CALHM5: variants seen among roughly 807,000 people sequenced by gnomAD.
The protein encoded by CALHM5 is calcium homeostasis modulator protein 5.
In CALHM5, 17 loss-of-function variants were observed where a neutral mutation model predicts 20.9. The ratio of observed to expected loss-of-function variants is 0.82; its 90% CI spans 0.56 to 1.22. CALHM5 has a LOEUF of 1.22. Among genes scored for constraint, CALHM5 ranks in the 50% most tolerant of loss-of-function variants. The probability of loss-of-function intolerance (pLI) is 0.00; values close to 1 mark genes in which losing one functional copy is unlikely to be tolerated. For missense variants in CALHM5, 360 were observed against 364.6 expected (o/e 0.99, Z 0.10); for synonymous variants, 148 against 140.0 (o/e 1.06, Z -0.40).
Position 116,515,915 on chromosome 6 carries a change from G to C in CALHM5, c.856G>C (p.Asp286His), listed in dbSNP as rs1230798942. Residue 286 changes from aspartate to histidine, a missense_variant, in exon 2 of 2, where the codon GAC becomes CAC. Transcript: ENST00000368599. ...CTATAGCACCCTCCACAGAGTGGTG[G>C]ACAATGGTCTGCAACTTAGCCCTGA... ...QHYSTLHRVV[D>H]NGLQLSPEDD... 2.5e-6 allele frequency: 4 copies of C among 1,613,780 alleles called. No individual in the cohort carries two copies. Among genetic ancestry groups the C allele is most frequent in the Non-Finnish European group, 1.7e-6 (2 of 1,179,812 alleles).
chr6:116,516,718 C>CAG lies in CALHM5; in HGVS notation c.*731_*732dup, dbSNP rs1772236601. The CAG allele has an allele frequency of 1.6e-5, 2 of 127,648 alleles. No homozygotes were observed. Among genetic ancestry groups the CAG allele is most frequent in the Non-Finnish European group, 3.3e-5 (2 of 59,830 alleles). The allele number at this position is 127,648 out of a possible 1,614,324, so 7.9% of individuals were successfully genotyped here. ...ATATATATATATATATACACACACA[C>CAG]AGAAATATATATTTATAACTGCATT... is the stretch of plus-strand genomic sequence containing the variant. On this transcript the variant is annotated 3_prime_UTR_variant, in exon 2 of 2. Coordinates refer to ENST00000368599, the MANE Select transcript of CALHM5 (RefSeq NM_153711.5).
Position 116,521,722 on chromosome 6 carries a change from C to G in CALHM5, c.*5733C>G, listed in dbSNP as rs1048250418. 3.9e-5 allele frequency: 6 copies of G among 152,218 alleles called. No homozygotes were observed. Among genetic ancestry groups the G allele is most frequent in the African/African-American group, 1.4e-4 (6 of 41,440 alleles). The allele number at this position is 152,218 out of a possible 1,614,324, so 9.4% of individuals were successfully genotyped here. A position where few individuals can be genotyped will look rare whatever the true frequency, so the allele number is the denominator to read the frequency against. On this transcript the variant is annotated 3_prime_UTR_variant, in exon 2 of 2. Coordinates refer to ENST00000368599, the MANE Select transcript of CALHM5 (RefSeq NM_153711.5). ...TGCTTTAATAACTATCTGGCTACCC[C>G]TTAATCCAATCAAGTTGACATCTAA...
Position 116,515,900 on chromosome 6 carries a change from C to A in CALHM5, c.841C>A (p.Leu281Ile). The A allele has an allele frequency of 3.1e-6, 5 of 1,613,926 alleles. No homozygotes were observed. The highest frequency in any genetic ancestry group is 4.2e-6 in the Non-Finnish European group (5 of 1,179,896). Reference protein sequence around the residue: ...FHQSQQHYSTLHRVVDNGLQL... With the variant: ...FHQSQQHYSTIHRVVDNGLQL... ...CCAAAGCCAGCAACACTATAGCACC[C>A]TCCACAGAGTGGTGGACAATGGTCT... Residue 281 changes from leucine (L) to isoleucine (I), a missense_variant, in exon 2 of 2, where the codon CTC (leucine) becomes ATC (isoleucine). Transcript: ENST00000368599.
rs1251898450 is a variant in CALHM5 at position 116,519,220 on chromosome 6, A to T, written c.*3231A>T. 1 of 152,212 alleles carries T rather than the reference A, an allele frequency of 6.6e-6. No homozygotes were observed. The highest frequency in any genetic ancestry group is 1.5e-5 in the Non-Finnish European group (1 of 68,040). 9.4% of individuals were successfully genotyped at this position (152,212 alleles called of 1,614,324 possible). ...GTGTATACATGATTTATTAAAAGGA[A>T]ATCCTCTTAGGAGAAACATATTAGC... On this transcript the variant is annotated 3_prime_UTR_variant, in exon 2 of 2. Coordinates refer to ENST00000368599, the MANE Select transcript of CALHM5 (RefSeq NM_153711.5).
At position 116,522,313 on chromosome 6, in the gene CALHM5, A is replaced by C. The variant is rs1475415895; in HGVS notation, c.*6324A>C. The C allele has an allele frequency of 6.6e-6, 1 of 152,224 alleles. No individual in the cohort carries two copies. The highest frequency in any genetic ancestry group is 1.5e-5 in the Non-Finnish European group (1 of 68,044). The allele number at this position is 152,224 out of a possible 1,614,324, so 9.4% of individuals were successfully genotyped here. A position where few individuals can be genotyped will look rare whatever the true frequency, so the allele number is the denominator to read the frequency against. ...CCTATCCAACTCCATGACCCCAAAA[A>C]TCATGAGCTTAAATAAATGTTTGTG... On this transcript the variant is annotated 3_prime_UTR_variant, in exon 2 of 2. Coordinates refer to ENST00000368599, the MANE Select transcript of CALHM5 (RefSeq NM_153711.5).
intron 1 of CALHM5, 166 bp downstream of exon 1, chr6:116,512,402 G>T (rs748738728): frequency 7.5e-5 from 57 of 760,874 alleles, no homozygotes; most frequent in African/African-American, 6.3e-4. Flanking sequence ...CTTTTGAAAG[G>T]CTGGGTGGCT....
chr6:116,523,282 G>A lies in CALHM5; in HGVS notation c.*7293G>A, dbSNP rs1772378544. On this transcript the variant is annotated 3_prime_UTR_variant, in exon 2 of 2. Coordinates refer to ENST00000368599, the MANE Select transcript of CALHM5 (RefSeq NM_153711.5). ...TTCTATTCATTCAAGGATATATTTT[G>A]TCCTTTAGGAATATTTTAAAGTTTA... The A allele has an allele frequency of 6.6e-6, 1 of 152,074 alleles. No homozygotes were observed. Among genetic ancestry groups the A allele is most frequent in the Non-Finnish European group, 1.5e-5 (1 of 68,012 alleles). 9.4% of individuals were successfully genotyped at this position (152,074 alleles called of 1,614,324 possible).
rs543376302 is a variant in CALHM5 at position 116,521,990 on chromosome 6, G to A, written c.*6001G>A. 6.6e-6 allele frequency: 1 copy of A among 152,132 alleles called. No individual in the cohort carries two copies. Among genetic ancestry groups the A allele is most frequent in the South Asian group, 2.1e-4 (1 of 4,822 alleles). 9.4% of individuals were successfully genotyped at this position (152,132 alleles called of 1,614,324 possible). On this transcript the variant is annotated 3_prime_UTR_variant, in exon 2 of 2. Coordinates refer to ENST00000368599, the MANE Select transcript of CALHM5 (RefSeq NM_153711.5). ...CTCAGGGACTACCAAGCTCTGAAGA[G>A]GCCCAAGCTAGCCAGTGGGAGGAGA...
At position 116,524,621 on chromosome 6, in the gene CALHM5, G is replaced by C. The variant is rs1011217633; in HGVS notation, c.*8632G>C. Reference sequence around the variant, plus strand: ...CTATTTCTTTCTTTATTACTAACAAGATGTTTTATCCTATATTCTCATTGG... The same window carrying C: ...CTATTTCTTTCTTTATTACTAACAACATGTTTTATCCTATATTCTCATTGG... On this transcript the variant is annotated 3_prime_UTR_variant, in exon 2 of 2. Coordinates refer to ENST00000368599, the MANE Select transcript of CALHM5 (RefSeq NM_153711.5). The C allele has an allele frequency of 6.6e-6, 1 of 152,108 alleles. No individual in the cohort carries two copies. 9.4% of individuals were successfully genotyped at this position (152,108 alleles called of 1,614,324 possible).
At chr6:116,513,781 T>TA (rs1583270171) in intron 1 of CALHM5, among the ~76,000 whole-genome samples, 1 of 152,100 alleles carries the variant, frequency 6.6e-6, no homozygotes, top group African/African-American at 2.4e-5. Flanking sequence ...GTGGGGCAGA[T>TA]AAAAAATCTA....
chr6:116,511,663 A>G lies in CALHM5; in HGVS notation c.-34A>G, dbSNP rs1168031007. 3 of 1,591,646 alleles carry G rather than the reference A, an allele frequency of 1.9e-6. No homozygotes were observed. Among genetic ancestry groups the G allele is most frequent in the Non-Finnish European group, 2.6e-6 (3 of 1,167,044 alleles). On this transcript the variant is annotated 5_prime_UTR_variant, in exon 1 of 2. Coordinates refer to ENST00000368599, the MANE Select transcript of CALHM5 (RefSeq NM_153711.5). ...TGCCACAGCTGCTCTGCCAATAACA[A>G]AGGCACAGCATTTTCCCTCTGTGCA...
chr6:116,513,636 G>A (rs1315361376), intron 1 of CALHM5, among the ~76,000 whole-genome samples: 1 of 152,220 alleles, frequency 6.6e-6, no homozygotes, highest in Non-Finnish European at 1.5e-5. Flanking sequence ...AGATGCATAA[G>A]GAATGTGGGC....
rs773523537 is a variant in CALHM5 at position 116,515,713 on chromosome 6, T to C, written c.654T>C (p.Tyr218=). 8 of 1,613,864 alleles carry C rather than the reference T, an allele frequency of 5.0e-6. No individual in the cohort carries two copies. The highest frequency in any genetic ancestry group is 1.3e-5 in the African/African-American group (1 of 74,904). The change falls in exon 2 of 2, where the codon TAT becomes TAC. Residue 218 remains tyrosine, a synonymous_variant. Coordinates refer to ENST00000368599, the MANE Select transcript of CALHM5 (RefSeq NM_153711.5). ...SYLQLSFWKT[Y]AQKEKEQLEN... ...TTCAGCTGAGTTTTTGGAAGACATA[T>C]GCACAAAAGGAGAAGGAGCAGTTGG...
Position 116,524,304 on chromosome 6 carries a change from A to G in CALHM5, c.*8315A>G, listed in dbSNP as rs577047877. 1 of 152,350 alleles carries G rather than the reference A, an allele frequency of 6.6e-6. No homozygotes were observed. The highest frequency in any genetic ancestry group is 1.5e-5 in the Non-Finnish European group (1 of 68,030). The allele number at this position is 152,350 out of a possible 1,614,324, so 9.4% of individuals were successfully genotyped here. A position where few individuals can be genotyped will look rare whatever the true frequency, so the allele number is the denominator to read the frequency against. On this transcript the variant is annotated 3_prime_UTR_variant, in exon 2 of 2. Transcript: ENST00000368599. ...CATTTGTATATGTTTGAAAAATTTCATAAGGTACACAACAAAATAAATGAC... is the reference window on the plus strand; with the variant it reads ...CATTTGTATATGTTTGAAAAATTTCGTAAGGTACACAACAAAATAAATGAC...
intron 1 of CALHM5, among the ~76,000 whole-genome samples, chr6:116,514,893 A>C (rs1161590690): frequency 6.6e-6 from 1 of 152,230 alleles, no homozygotes; most frequent in Non-Finnish European, 1.5e-5. Flanking sequence ...AATTAATTTC[A>C]ATTGTGAAAA....
In CALHM5 at chr6:116,517,499, G is replaced by A. The variant is rs916666503; in HGVS notation, c.*1510G>A. ...CTGTGGCTCATACCTTACAGTGGTA[G>A]TCTATGTCTCTTAGTTTGAGAAAGC... On this transcript the variant is annotated 3_prime_UTR_variant, in exon 2 of 2. Coordinates refer to ENST00000368599, the MANE Select transcript of CALHM5 (RefSeq NM_153711.5). The A allele has an allele frequency of 6.6e-6, 1 of 152,146 alleles. No individual in the cohort carries two copies. Among genetic ancestry groups the A allele is most frequent in the African/African-American group, 2.4e-5 (1 of 41,418 alleles). 9.4% of individuals were successfully genotyped at this position (152,146 alleles called of 1,614,324 possible). A position where few individuals can be genotyped will look rare whatever the true frequency, so the allele number is the denominator to read the frequency against.
In CALHM5 at chr6:116,517,622, G is replaced by T. The variant is rs1308677651; in HGVS notation, c.*1633G>T. ...TCTATGTTATTGTCATTTACAAGAA[G>T]AAATATGTATTTGGTCTTTCTTCCT... On this transcript the variant is annotated 3_prime_UTR_variant, in exon 2 of 2. Coordinates refer to ENST00000368599, the MANE Select transcript of CALHM5 (RefSeq NM_153711.5). The T allele has an allele frequency of 6.6e-6, 1 of 152,162 alleles. No homozygotes were observed. Among genetic ancestry groups the T allele is most frequent in the Non-Finnish European group, 1.5e-5 (1 of 68,026 alleles). The allele number at this position is 152,162 out of a possible 1,614,324, so 9.4% of individuals were successfully genotyped here.
Position 116,517,755 on chromosome 6 carries a change from AG to A in CALHM5, c.*1769del, listed in dbSNP as rs1772255702. On this transcript the variant is annotated 3_prime_UTR_variant, in exon 2 of 2. Coordinates refer to ENST00000368599, the MANE Select transcript of CALHM5 (RefSeq NM_153711.5). ...AGGGGCTTCTGAATGGCCTCAGAAT[AG>A]GGTCTGGTTGCCACGGGAACCAACC... 6.6e-6 allele frequency: 1 copy of A among 152,196 alleles called. No homozygotes were observed. Among genetic ancestry groups the A allele is most frequent in the South Asian group, 2.1e-4 (1 of 4,830 alleles). The allele number at this position is 152,196 out of a possible 1,614,324, so 9.4% of individuals were successfully genotyped here.
In CALHM5 at chr6:116,512,230, G is replaced by A. The variant is rs758789133; in HGVS notation, c.534G>A (p.Gln178=). 1 of 1,594,328 alleles carries A rather than the reference G, an allele frequency of 6.3e-7. No individual in the cohort carries two copies. The highest frequency in any genetic ancestry group is 8.5e-7 in the Non-Finnish European group (1 of 1,174,196). Residue 178 remains glutamine, a synonymous_variant, in exon 1 of 2, where the codon CAG becomes CAA. Transcript: ENST00000368599. ...NEELKLSLQA[Q]SQILGWCLIC... ...AACTGAAACTCTCCCTTCAGGCCCA[G>A]TCTCAGGTAAGAAAAGACAAACTCG... is the stretch of plus-strand genomic sequence containing the variant.
Sources: allele counts gnomAD v4.1 joint callset (sites outside exome capture counted in the v4.1 genomes callset), GRCh38; gene constraint gnomAD v4.1.1; transcripts MANE v1.5; gene names NCBI Gene and HGNC (gene_info 2026-07-23, HGNC 2026-07-21).